The following ULK4 variants were observed in gnomAD, a reference collection of about 807,000 sequenced individuals.
ULK4 encodes unc-51 like kinase 4.
ULK4 carries 133 observed loss-of-function variants against 160.6 expected under a neutral mutation model. The ratio of observed to expected loss-of-function variants is 0.83; its 90% confidence interval spans 0.72 to 0.96. The LOEUF (loss-of-function observed/expected upper bound fraction) is 0.96. Ranked by LOEUF, ULK4 falls within the 40% of genes least tolerant of loss-of-function variation. ULK4 has a pLI of 0.00. For synonymous variants in ULK4, 534 were observed against 539.8 expected, an observed-to-expected ratio of 0.99 and a Z score of 0.15; for missense variants, 1,580 against 1,499.5, an observed-to-expected ratio of 1.05 and a Z score of -0.89.
At chr3:41,617,056 C>T (rs2033010471) in intron 30 of ULK4, among the ~76,000 whole-genome samples, 1 of 152,230 alleles carries the variant, frequency 6.6e-6, no homozygotes, top group Admixed American at 6.5e-5. Context: ...CTCTAGATTC[C>T]TCCTCACTGG....
chr3:41,822,402 CTTG>C (rs1300715245), intron 18 of ULK4, among the ~76,000 whole-genome samples: 1 of 152,042 alleles, frequency 6.6e-6, no homozygotes, highest in African/African-American at 2.4e-5. Flanking sequence ...TTTTGTTTTT[CTTG>C]TTTTTTGTCG....
At chr3:41,325,640 G>T (rs2080326204) in intron 35 of ULK4, among the ~76,000 whole-genome samples, 1 of 152,144 alleles carries the variant, frequency 6.6e-6, no homozygotes, top group South Asian at 2.1e-4. Context: ...AATAGGCAGG[G>T]CACAGTGGCT....
intron 32 of ULK4, among the ~76,000 whole-genome samples, chr3:41,553,097 T>G (rs1032648152): frequency 5.9e-5 from 9 of 152,008 alleles, no homozygotes; most frequent in African/African-American, 2.2e-4. Flanking sequence ...CATACAAAAA[T>G]CAACTCAGGA....
intron 32 of ULK4, among the ~76,000 whole-genome samples, chr3:41,564,052 A>T (rs558180741): frequency 9.5e-4 from 145 of 152,044 alleles, no homozygotes; most frequent in Admixed American, 1.9e-3. Context: ...TTTGGTGTAG[A>T]TGTCCTTCTT....
chr3:41,784,174 C>A (rs1230328423), intron 21 of ULK4, among the ~76,000 whole-genome samples: 1 of 152,126 alleles, frequency 6.6e-6, no homozygotes, highest in Non-Finnish European at 1.5e-5. Context: ...GTGGCTCACA[C>A]CTACAATCCC....
intron 5 of ULK4, among the ~76,000 whole-genome samples, chr3:41,924,253 C>T (rs147774911): frequency 4.4e-4 from 67 of 152,254 alleles, no homozygotes; most frequent in African/African-American, 1.5e-3. Context: ...CCTTGCTCAT[C>T]GCCATACTTA....
chr3:41,338,163 TC>T (rs1471805040), intron 35 of ULK4, among the ~76,000 whole-genome samples: 1 of 152,218 alleles, frequency 6.6e-6, no homozygotes, highest in African/African-American at 2.4e-5. Context: ...TGCCCGCAGC[TC>T]CAATTTTTCT....
intron 31 of ULK4, among the ~76,000 whole-genome samples, chr3:41,594,862 G>T (rs952043894): frequency 2.0e-5 from 3 of 152,118 alleles, no homozygotes; most frequent in African/African-American, 7.2e-5. Context: ...TGGTGGCTTG[G>T]ACTACGGTGA....
intron 35 of ULK4, among the ~76,000 whole-genome samples, chr3:41,324,190 A>T (rs1458557204): frequency 2.0e-5 from 3 of 152,216 alleles, no homozygotes; most frequent in Non-Finnish European, 4.4e-5. Context: ...CTCAGGACCC[A>T]AAGGGACATA....
chr3:41,539,256 A>G (rs1409066473), intron 32 of ULK4, among the ~76,000 whole-genome samples: 6 of 152,150 alleles, frequency 3.9e-5, no homozygotes, highest in Non-Finnish European at 8.8e-5. Context: ...CCATTATAGC[A>G]TAAAACCAGC....
chr3:41,260,043 T>A (rs2293300), intron 35 of ULK4: 2 of 152,082 alleles, frequency 1.3e-5, no homozygotes, highest in African/African-American at 4.8e-5. Context: ...AGCAGGTAAC[T>A]ATGATAACTT....
chr3:41,691,069 C>G (rs186056245), intron 27 of ULK4, among the ~76,000 whole-genome samples: 6 of 151,942 alleles, frequency 3.9e-5, no homozygotes, highest in African/African-American at 1.4e-4. Flanking sequence ...GAAGCTTCCT[C>G]GTAAGATCTA....
chr3:41,382,455 A>C (rs1401202277), intron 35 of ULK4, among the ~76,000 whole-genome samples: 1 of 152,224 alleles, frequency 6.6e-6, no homozygotes, highest in Non-Finnish European at 1.5e-5. Flanking sequence ...TGTTAGTTTC[A>C]TATTTTGAGA....
intron 30 of ULK4, among the ~76,000 whole-genome samples, chr3:41,624,990 T>G (rs2033432631): frequency 6.6e-6 from 1 of 152,230 alleles, no homozygotes; most frequent in African/African-American, 2.4e-5. Context: ...TGTATTGTTT[T>G]CTATGACTTA....
chr3:41,782,832 C>T (rs577926897), intron 21 of ULK4, among the ~76,000 whole-genome samples: 2 of 152,222 alleles, frequency 1.3e-5, no homozygotes, highest in South Asian at 4.2e-4. Context: ...CCTGGCAAAT[C>T]AATGGAAATT....
chr3:41,920,880 G>A (rs1699157927), intron 5 of ULK4, among the ~76,000 whole-genome samples: 1 of 152,096 alleles, frequency 6.6e-6, no homozygotes. Flanking sequence ...AGCTGCTGAG[G>A]AAACAAAGAC....
intron 22 of ULK4, among the ~76,000 whole-genome samples, chr3:41,735,946 G>GT (rs1472351885): frequency 3.4e-4 from 51 of 148,450 alleles, no homozygotes; most frequent in African/African-American, 1.1e-3. Flanking sequence ...GCGGTGTTTG[G>GT]TTTTTTGTCC....
chr3:41,247,000 A>G lies in ULK4; in HGVS notation c.3765-8T>C. The G allele has an allele frequency of 2.5e-6, 4 of 1,613,524 alleles. No individual in the cohort carries two copies. Among genetic ancestry groups the G allele is most frequent in the Non-Finnish European group, 3.4e-6 (4 of 1,179,780 alleles). ...GCACTGTCGGCAAATGAACTGTAAG[A>G]AAAACCAAAGTAGGTACACTTAATA... On this transcript the variant is annotated splice_region_variant and splice_polypyrimidine_tract_variant and intron_variant, in intron 36 of 36. Coordinates refer to ENST00000301831, the MANE Select transcript of ULK4 (RefSeq NM_017886.4).
rs76493421 is a variant in ULK4, at chr3:41,294,034, G to A, written c.3679-44460C>T. On this transcript the variant is annotated intron_variant, in intron 35 of 36. Coordinates refer to ENST00000301831, the MANE Select transcript of ULK4 (RefSeq NM_017886.4). ...AGGGTTGATGTCACTGGTAAAGTCT[G>A]CAATGCAGGATGCTAAGAGATGAGT... Among the ~76,000 whole-genome samples the A allele has an allele frequency of 6.6e-5, 10 of 152,342 alleles. No homozygotes were observed. In the East Asian group the frequency reaches 1.2e-3, roughly 18 times the overall value.
Sources: allele counts gnomAD v4.1 joint callset (sites outside exome capture counted in the v4.1 genomes callset), GRCh38; gene constraint gnomAD v4.1.1; transcripts MANE v1.5; gene names NCBI Gene and HGNC (gene_info 2026-07-23, HGNC 2026-07-21).